The following GRIN2B variants were observed in gnomAD, a reference collection of about 807,000 sequenced individuals.
GRIN2B encodes the protein glutamate receptor ionotropic, NMDA 2B.
Under a neutral mutation model 114.5 loss-of-function variants are expected in GRIN2B, and 5 were observed. The observed-to-expected ratio is 0.04, with a 90% CI of 0.02 to 0.09. The LOEUF is 0.09. Ranked by LOEUF, GRIN2B falls within the 10% of genes least tolerant of loss-of-function variation. GRIN2B has a pLI of 1.00. For synonymous variants in GRIN2B, 787 were observed against 745.1 expected, an observed-to-expected ratio of 1.06 and a Z score of -0.92; for missense variants, 1,108 against 1,943.5, an observed-to-expected ratio of 0.57 and a Z score of 8.08.
intron 5 of GRIN2B, among the ~76,000 whole-genome samples, chr12:13,653,543 G>A (rs1309203538): frequency 2.6e-5 from 4 of 151,870 alleles, no homozygotes; most frequent in African/African-American, 9.7e-5. Flanking sequence ...TAAGGGGAGG[G>A]GGAGTGAGAA....
chr12:13,887,253 TA>T (rs1866178206), intron 2 of GRIN2B, among the ~76,000 whole-genome samples: 1 of 152,222 alleles, frequency 6.6e-6, no homozygotes, highest in Non-Finnish European at 1.5e-5. Flanking sequence ...AGGGGCTTCT[TA>T]AAACTTTTTA....
chr12:13,718,952 C>G (rs1050651716), intron 4 of GRIN2B, among the ~76,000 whole-genome samples: 4 of 152,164 alleles, frequency 2.6e-5, no homozygotes, highest in Admixed American at 6.5e-5. Flanking sequence ...TACCAAAGCA[C>G]TGACCTACCT....
intron 4 of GRIN2B, among the ~76,000 whole-genome samples, chr12:13,714,432 T>C (rs1462526208): frequency 6.6e-6 from 1 of 151,904 alleles, no homozygotes; most frequent in Admixed American, 6.6e-5. Flanking sequence ...CCTAGGGATT[T>C]GAGGATTCTA....
chr12:13,584,889 A>G (rs148114299), intron 10 of GRIN2B, among the ~76,000 whole-genome samples: 21 of 152,320 alleles, frequency 1.4e-4, no homozygotes, highest in African/African-American at 5.1e-4. Context: ...CTTACACAAG[A>G]TTGTTACAAA....
intron 4 of GRIN2B, among the ~76,000 whole-genome samples, chr12:13,743,838 T>C (rs1323333083): frequency 6.6e-6 from 1 of 152,182 alleles, no homozygotes; most frequent in Non-Finnish European, 1.5e-5. Context: ...AACGAAATTT[T>C]TGATAATTGG....
At chr12:13,817,270 G>A (rs1043770354) in intron 3 of GRIN2B, among the ~76,000 whole-genome samples, 3 of 152,270 alleles carry the variant, frequency 2.0e-5, no homozygotes, top group Non-Finnish European at 4.4e-5. Context: ...TCAGACAGCG[G>A]TGCAGTGGTC....
In GRIN2B at chr12:13,562,782, C is replaced by G. The variant is rs764339423; in HGVS notation, c.*1G>C. 3 of 1,612,784 alleles carry G rather than the reference C, an allele frequency of 1.9e-6. No individual in the cohort carries two copies. Among genetic ancestry groups the G allele is most frequent in the Non-Finnish European group, 2.5e-6 (3 of 1,178,708 alleles). Reference sequence around the variant, plus strand: ...CCACCTTAACCTCTCTGTTCCCTCACTCAGACATCAGACTCAATACTAGAA... The same window carrying G: ...CCACCTTAACCTCTCTGTTCCCTCAGTCAGACATCAGACTCAATACTAGAA... On this transcript the variant is annotated 3_prime_UTR_variant, in exon 14 of 14. Transcript: ENST00000609686.
At chr12:13,634,035 T>C (rs1304773705) in intron 5 of GRIN2B, 1 of 152,146 alleles carries the variant, frequency 6.6e-6, no homozygotes, top group Non-Finnish European at 1.5e-5. Flanking sequence ...TATACATACA[T>C]AAAAGATCCT....
At chr12:13,827,089 T>G (rs1865051696) in intron 3 of GRIN2B, among the ~76,000 whole-genome samples, 1 of 151,684 alleles carries the variant, frequency 6.6e-6, no homozygotes, top group South Asian at 2.1e-4. Context: ...GCATATTTTA[T>G]GATGAGAAGT....
At chr12:13,859,608 T>G (rs1865720869) in intron 3 of GRIN2B, among the ~76,000 whole-genome samples, 1 of 152,112 alleles carries the variant, frequency 6.6e-6, no homozygotes, top group South Asian at 2.1e-4. Context: ...TGTCCTGGCT[T>G]TTTTTTCTTA....
At chr12:13,600,295 G>A (rs1949139302) in intron 10 of GRIN2B, among the ~76,000 whole-genome samples, 1 of 151,942 alleles carries the variant, frequency 6.6e-6, no homozygotes, top group Admixed American at 6.6e-5. Context: ...ACAAAAAGAT[G>A]AGTCTACTAA....
chr12:13,573,613 GCT>G (rs1948735154), intron 10 of GRIN2B, among the ~76,000 whole-genome samples: 1 of 125,412 alleles, frequency 8.0e-6, no homozygotes, highest in Non-Finnish European at 1.8e-5. Context: ...GCTGTGCTGT[GCT>G]TTGGCATCGG....
intron 10 of GRIN2B, among the ~76,000 whole-genome samples, chr12:13,591,145 C>T (rs528591371): frequency 3.9e-5 from 6 of 152,220 alleles, no homozygotes; most frequent in South Asian, 2.1e-4. Context: ...TTAGCCCTGA[C>T]GTTTGACCTT....
intron 2 of GRIN2B, among the ~76,000 whole-genome samples, chr12:13,903,537 C>CTT (rs1293875642): frequency 2.6e-5 from 4 of 152,158 alleles, no homozygotes; most frequent in Non-Finnish European, 5.9e-5. Context: ...TTGCTTTTTA[C>CTT]TTATAGCTAA....
At chr12:13,749,691 G>A (rs1265496117) in intron 4 of GRIN2B, among the ~76,000 whole-genome samples, 1 of 152,226 alleles carries the variant, frequency 6.6e-6, no homozygotes, top group Non-Finnish European at 1.5e-5. Flanking sequence ...TCTGATTTCA[G>A]AGCAGGGTAA....
intron 2 of GRIN2B, among the ~76,000 whole-genome samples, chr12:13,953,135 C>A (rs1867522316): frequency 6.6e-6 from 1 of 151,936 alleles, no homozygotes; most frequent in African/African-American, 2.4e-5. Flanking sequence ...GACCACTGAC[C>A]AGAGTACCTA....
chr12:13,689,483 A>G (rs758620203), intron 4 of GRIN2B, among the ~76,000 whole-genome samples: 2 of 152,114 alleles, frequency 1.3e-5, no homozygotes, highest in Non-Finnish European at 2.9e-5. Flanking sequence ...TCTTTACAAA[A>G]TGATTCTTAC....
At chr12:13,764,025 T>C (rs1012235909) in intron 3 of GRIN2B, among the ~76,000 whole-genome samples, 10 of 152,122 alleles carry the variant, frequency 6.6e-5, no homozygotes, top group African/African-American at 2.4e-4. Context: ...TTCCTGGGAA[T>C]AGACACGTGA....
chr12:13,928,433 G>A (rs1866957656), intron 2 of GRIN2B, among the ~76,000 whole-genome samples: 2 of 152,050 alleles, frequency 1.3e-5, no homozygotes, highest in Non-Finnish European at 2.9e-5. Context: ...TTCTAATTCA[G>A]AAGATATTTA....
Sources: allele counts gnomAD v4.1 joint callset (sites outside exome capture counted in the v4.1 genomes callset), GRCh38; gene constraint gnomAD v4.1.1; transcripts MANE v1.5; gene names NCBI Gene and HGNC (gene_info 2026-07-23, HGNC 2026-07-21).